Variants in CLDN18 observed in about 807,000 individuals in gnomAD.
CLDN18 encodes the protein claudin-18.
A neutral mutation model predicts 25.0 loss-of-function variants in CLDN18; 20 were observed. That is an observed-to-expected ratio of 0.80 (90% CI 0.56 to 1.16). CLDN18 has a LOEUF of 1.16. Ranked by LOEUF, CLDN18 falls within the 50% of genes most tolerant of loss-of-function variation. The probability of loss-of-function intolerance (pLI) is 0.00; values close to 1 mark genes in which losing one functional copy is unlikely to be tolerated. For missense variants in CLDN18, 297 were observed against 345.4 expected (o/e 0.86, Z 1.11); for synonymous variants, 125 against 135.6 (o/e 0.92, Z 0.54).
At chr3:138,009,796 G>A (rs1024974708), upstream of CLDN18, among the ~76,000 whole-genome samples, 1 of 152,250 alleles carries the variant, frequency 6.6e-6, no homozygotes, top group Non-Finnish European at 1.5e-5. Flanking sequence ...AGAGCACGGT[G>A]GGTGCTTCCC....
rs543224737 is a variant in CLDN18, at chr3:138,023,377, C to G, written c.221-281C>G. Among the ~76,000 whole-genome samples the G allele has an allele frequency of 5.9e-5, 9 of 152,314 alleles. No homozygotes were observed. The South Asian group carries it at 1.9e-3, about 32-fold the overall frequency. ...ATGAGGAAGCTGAAATAGATACAAT[C>G]CAAGGGCCCCCCCAAGTTCCAACCA... is the stretch of plus-strand genomic sequence containing the variant. On this transcript the variant is annotated intron_variant, in intron 1 of 4. Transcript: ENST00000183605.
chr3:138,005,419 T>C (rs1156963095), upstream of CLDN18, among the ~76,000 whole-genome samples: 1 of 151,408 alleles, frequency 6.6e-6, no homozygotes, highest in Non-Finnish European at 1.5e-5. Flanking sequence ...CCCAGGTGTG[T>C]GATGTTCCCC....
intron 1 of CLDN18, among the ~76,000 whole-genome samples, chr3:138,016,245 A>G (rs945518833): frequency 6.6e-6 from 1 of 152,192 alleles, no homozygotes; most frequent in African/African-American, 2.4e-5. Flanking sequence ...AAGTGAACAC[A>G]AGGCAAAGCT....
intron 1 of CLDN18, among the ~76,000 whole-genome samples, chr3:138,002,024 AT>A (rs1179353471): frequency 6.6e-6 from 1 of 151,750 alleles, no homozygotes; most frequent in Non-Finnish European, 1.5e-5. Flanking sequence ...TTTTTTTTTT[AT>A]TTCACCTGTT....
At chr3:138,017,230 C>G (rs1942217069) in intron 1 of CLDN18, among the ~76,000 whole-genome samples, 1 of 152,098 alleles carries the variant, frequency 6.6e-6, no homozygotes, top group Non-Finnish European at 1.5e-5. Flanking sequence ...TTCAAATATC[C>G]AAAGTAAAGA....
chr3:138,029,497 G>A (rs1363203133), intron 3 of CLDN18, among the ~76,000 whole-genome samples: 1 of 152,130 alleles, frequency 6.6e-6, no homozygotes, highest in African/African-American at 2.4e-5. Flanking sequence ...ACTTTCTTTT[G>A]CCAGTAGAGA....
At chr3:138,012,231 T>G (rs1942143425) in intron 1 of CLDN18, among the ~76,000 whole-genome samples, 1 of 152,182 alleles carries the variant, frequency 6.6e-6, no homozygotes, top group African/African-American at 2.4e-5. Flanking sequence ...ACCCTTAACC[T>G]TTCTCAGTCT....
intron 1 of CLDN18, among the ~76,000 whole-genome samples, chr3:138,021,016 C>T (rs927389803): frequency 3.9e-5 from 6 of 152,166 alleles, no homozygotes; most frequent in African/African-American, 7.2e-5. Context: ...AGTTACCTCA[C>T]GTGAGTCTCC....
intron 1 of CLDN18, among the ~76,000 whole-genome samples, chr3:138,018,590 C>A (rs1045201555): frequency 2.0e-5 from 3 of 152,108 alleles, no homozygotes; most frequent in African/African-American, 7.2e-5. Context: ...CCCGCCTCGG[C>A]CTCCCAAAGT....
chr3:138,005,974 G>A (rs1291838716), upstream of CLDN18, among the ~76,000 whole-genome samples: 1 of 152,104 alleles, frequency 6.6e-6, no homozygotes, highest in East Asian at 1.9e-4. Flanking sequence ...CATATTAAAT[G>A]ATGTTTACAA....
upstream of CLDN18, among the ~76,000 whole-genome samples, chr3:138,005,396 C>T (rs982623257): frequency 1.3e-5 from 2 of 151,596 alleles, no homozygotes; most frequent in African/African-American, 4.9e-5. Context: ...GTGCCACCCA[C>T]CCCCCTAACA....
rs573466202 is a variant in CLDN18 at position 138,022,147 on chromosome 3, A to C, written c.221-1511A>C. Among the ~76,000 whole-genome samples, 21 of 152,254 alleles carry C rather than the reference A, an allele frequency of 1.4e-4. No homozygotes were observed. The East Asian group carries it at 3.9e-3, about 28-fold the overall frequency. On this transcript the variant is annotated intron_variant, in intron 1 of 4. Coordinates refer to ENST00000183605, the MANE Select transcript of CLDN18 (RefSeq NM_016369.4). ...ACCTGAAGGAAACCACGGACTCCCA[A>C]GGACAGCATCTTACACTTTCAGCCC...
chr3:138,017,952 G>T (rs902758698), intron 1 of CLDN18, among the ~76,000 whole-genome samples: 1 of 152,182 alleles, frequency 6.6e-6, no homozygotes, highest in Non-Finnish European at 1.5e-5. Flanking sequence ...GAACCAGAAT[G>T]CCTGCTCAGC....
exon 1 of CLDN18, chr3:137,998,862 C>A (rs758351101): frequency 1.2e-6 from 2 of 1,613,812 alleles, no homozygotes; most frequent in East Asian, 2.2e-5. Context: ...CGACACTGTG[C>A]GCCACCATGG....
intron 3 of CLDN18, among the ~76,000 whole-genome samples, chr3:138,028,014 A>T (rs1942345535): frequency 6.6e-6 from 1 of 151,938 alleles, no homozygotes; most frequent in Non-Finnish European, 1.5e-5. Flanking sequence ...ACTATACTTG[A>T]TCATGAAGCT....
At chr3:138,022,058 C>A (rs1942277023) in intron 1 of CLDN18, among the ~76,000 whole-genome samples, 2 of 152,288 alleles carry the variant, frequency 1.3e-5, no homozygotes, top group South Asian at 2.1e-4. Context: ...GGAGCTCAAA[C>A]ACTGTCAGGG....
chr3:137,998,924 C>T (rs763629105), exon 1 of CLDN18: 7 of 1,614,124 alleles, frequency 4.3e-6, no homozygotes, highest in African/African-American at 4.0e-5. Flanking sequence ...ATTGGGATTG[C>T]GGGCATCATT....
intron 3 of CLDN18, among the ~76,000 whole-genome samples, chr3:138,028,703 T>C (rs9819472): frequency 0.35 from 53,229 of 152,104 alleles, 11,246 homozygotes; most frequent in Middle Eastern, 0.57. Context: ...CTCTCCACCA[T>C]CCAAAAATAT....
intron 1 of CLDN18, among the ~76,000 whole-genome samples, chr3:138,020,012 CAAGT>C (rs1253781571): frequency 6.6e-6 from 1 of 152,176 alleles, no homozygotes; most frequent in Non-Finnish European, 1.5e-5. Flanking sequence ...ATCAGAATAT[CAAGT>C]AAGAGACAGA....
Sources: allele counts gnomAD v4.1 joint callset (sites outside exome capture counted in the v4.1 genomes callset), GRCh38; gene constraint gnomAD v4.1.1; transcripts MANE v1.5; gene names NCBI Gene and HGNC (gene_info 2026-07-23, HGNC 2026-07-21).